ARHGAP15: variants seen among roughly 807,000 people sequenced by gnomAD.
ARHGAP15 encodes rho GTPase-activating protein 15.
In ARHGAP15, 51 loss-of-function variants were observed where a neutral mutation model predicts 63.7. The observed-to-expected ratio is 0.80, with a 90% CI of 0.64 to 1.01. The LOEUF (loss-of-function observed/expected upper bound fraction) is 1.01, where lower values mean the gene tolerates loss of function less well. Ranked by LOEUF, ARHGAP15 falls within the 50% of genes least tolerant of loss-of-function variation. The pLI, the probability that ARHGAP15 is intolerant of heterozygous loss-of-function variation, is 0.00. For missense variants in ARHGAP15, 560 were observed against 564.6 expected (o/e 0.99, Z 0.08); for synonymous variants, 191 against 193.8 (o/e 0.99, Z 0.12).
chr2:143,420,743 T>C (rs1364045439), intron 6 of ARHGAP15, among the ~76,000 whole-genome samples: 1 of 152,164 alleles, frequency 6.6e-6, no homozygotes, highest in Non-Finnish European at 1.5e-5. Context: ...TAAAGGCATG[T>C]GTTGATGGCA....
At chr2:143,382,065 CTTCCTTCCTTCCTTCCT>C (rs1337972489) in intron 6 of ARHGAP15, among the ~76,000 whole-genome samples, 2 of 144,516 alleles carry the variant, frequency 1.4e-5, no homozygotes, top group African/African-American at 2.6e-5. Context: ...TGCTTCTTTC[CTTCCTTCCTTCCTTCCT>C]TTCCTTCCTT....
intron 9 of ARHGAP15, among the ~76,000 whole-genome samples, chr2:143,514,400 G>A (rs536628424): frequency 1.3e-5 from 2 of 152,312 alleles, no homozygotes; most frequent in South Asian, 2.1e-4. Context: ...TAAGGTGAAA[G>A]TAATTTTCTT....
intron 1 of ARHGAP15, among the ~76,000 whole-genome samples, chr2:143,134,192 T>C (rs1263548518): frequency 3.4e-5 from 5 of 148,050 alleles, no homozygotes; most frequent in Admixed American, 2.7e-4. Context: ...CATCTATCTA[T>C]CTACCTATCT....
At chr2:143,450,692 A>G (rs1170005161) in intron 8 of ARHGAP15, among the ~76,000 whole-genome samples, 1 of 151,970 alleles carries the variant, frequency 6.6e-6, no homozygotes, top group Admixed American at 6.6e-5. Context: ...AATCAGAGGA[A>G]CTTCACAGGT....
In ARHGAP15 at chr2:143,373,647, A is replaced by C. The variant is rs59408537; in HGVS notation, c.475-61954A>C. 3.8e-3 allele frequency among the ~76,000 whole-genome samples: 429 copies of C among 113,056 alleles called. 6 individuals carry two copies. The highest frequency in any genetic ancestry group is 9.2e-3 in the Middle Eastern group (2 of 218). The allele number at this position is 113,056 out of a possible 152,430, so 74.2% of individuals were successfully genotyped here. On this transcript the variant is annotated intron_variant, in intron 6 of 13. Transcript: ENST00000295095. Reference sequence around the variant, plus strand: ...TCTATCTCAAAAAAAAAAAAAAAAAAAAAAAAAAAAAAACACAGAAATGTC... The same window carrying C: ...TCTATCTCAAAAAAAAAAAAAAAAACAAAAAAAAAAAAACACAGAAATGTC...
At chr2:143,658,276 A>G (rs960083543) in intron 12 of ARHGAP15, among the ~76,000 whole-genome samples, 4 of 152,192 alleles carry the variant, frequency 2.6e-5, no homozygotes, top group Admixed American at 2.6e-4. Flanking sequence ...TACCAATGTG[A>G]AGACTAGAGT....
At chr2:143,390,629 C>G (rs546410551) in intron 6 of ARHGAP15, among the ~76,000 whole-genome samples, 1 of 152,212 alleles carries the variant, frequency 6.6e-6, no homozygotes, top group South Asian at 2.1e-4. Flanking sequence ...TTTTCTCCCT[C>G]TTTAGCCCCA....
intron 10 of ARHGAP15, among the ~76,000 whole-genome samples, chr2:143,521,597 C>G (rs998731726): frequency 2.0e-5 from 3 of 152,084 alleles, no homozygotes; most frequent in African/African-American, 7.2e-5. Context: ...TGGATCCCTC[C>G]TTCTAATGGC....
At chr2:143,525,768 A>C (rs1347857532) in intron 10 of ARHGAP15, among the ~76,000 whole-genome samples, 5 of 152,106 alleles carry the variant, frequency 3.3e-5, no homozygotes, top group Non-Finnish European at 7.4e-5. Context: ...TTAGGGCTCG[A>C]GGGGAAGACA....
intron 1 of ARHGAP15, among the ~76,000 whole-genome samples, chr2:143,146,146 C>G (rs73962349): frequency 0.28 from 41,889 of 151,470 alleles, 6,026 homozygotes; most frequent in East Asian, 0.45. Flanking sequence ...TTCATTAAAA[C>G]ATGCCATTAA....
At chr2:143,562,383 C>T (rs1696066082) in intron 11 of ARHGAP15, among the ~76,000 whole-genome samples, 3 of 152,132 alleles carry the variant, frequency 2.0e-5, no homozygotes, top group Non-Finnish European at 1.5e-5. Flanking sequence ...TAAAATAGCC[C>T]TTGTATCAAG....
At chr2:143,503,164 C>A (rs745602889) in intron 9 of ARHGAP15, among the ~76,000 whole-genome samples, 3 of 152,134 alleles carry the variant, frequency 2.0e-5, no homozygotes, top group Non-Finnish European at 4.4e-5. Flanking sequence ...ATATGTAGTG[C>A]GTTCTTGGGA....
chr2:143,657,494 A>G (rs1681516776), intron 12 of ARHGAP15, among the ~76,000 whole-genome samples: 1 of 152,234 alleles, frequency 6.6e-6, no homozygotes, highest in South Asian at 2.1e-4. Flanking sequence ...GTCTTTTTGT[A>G]CTAGCAAGAT....
intron 12 of ARHGAP15, among the ~76,000 whole-genome samples, chr2:143,678,218 A>G (rs541462956): frequency 7.2e-5 from 11 of 152,190 alleles, no homozygotes; most frequent in Non-Finnish European, 1.2e-4. Flanking sequence ...TCTCCGAAAG[A>G]AAAAGGAAAG....
At chr2:143,525,040 T>A (rs1694205947) in intron 10 of ARHGAP15, among the ~76,000 whole-genome samples, 2 of 152,176 alleles carry the variant, frequency 1.3e-5, no homozygotes, top group Admixed American at 1.3e-4. Flanking sequence ...TTGTTTCCCG[T>A]TGCCTTTGAA....
At chr2:143,214,966 A>G (rs776664459) in intron 3 of ARHGAP15, among the ~76,000 whole-genome samples, 40 of 152,256 alleles carry the variant, frequency 2.6e-4, no homozygotes, top group Middle Eastern at 3.2e-3. Context: ...AAACATTTAA[A>G]TAGCCATTCA....
chr2:143,364,029 T>C (rs958074135), intron 6 of ARHGAP15, among the ~76,000 whole-genome samples: 1 of 152,200 alleles, frequency 6.6e-6, no homozygotes, highest in Admixed American at 6.5e-5. Flanking sequence ...CGAGCAAGAT[T>C]AAAAAGTTCC....
intron 8 of ARHGAP15, among the ~76,000 whole-genome samples, chr2:143,465,076 T>C (rs1221687043): frequency 6.6e-6 from 1 of 152,202 alleles, no homozygotes; most frequent in Non-Finnish European, 1.5e-5. Flanking sequence ...GTTTCTATTA[T>C]TCCTCCCTTT....
intron 13 of ARHGAP15, among the ~76,000 whole-genome samples, chr2:143,704,822 TC>T (rs1237260046): frequency 1.3e-5 from 2 of 152,180 alleles, no homozygotes; most frequent in Non-Finnish European, 1.5e-5. Flanking sequence ...ATTCAACTAA[TC>T]TATTACATGA....
Sources: gnomAD v4.1 joint callset for allele counts (sites outside exome capture counted in the v4.1 genomes callset) on GRCh38, gnomAD v4.1.1 for gene constraint, MANE v1.5 for transcripts, NCBI Gene and HGNC (gene_info 2026-07-23, HGNC 2026-07-21) for gene names.